ZNF382: variants seen among roughly 807,000 people sequenced by gnomAD.
ZNF382 encodes the protein zinc finger protein 382.
Under a neutral mutation model 38.8 loss-of-function variants are expected in ZNF382, and 20 were observed. The ratio of observed to expected loss-of-function variants is 0.51; its 90% confidence interval spans 0.36 to 0.75. The LOEUF is 0.75. Ranked by LOEUF, ZNF382 falls within the 30% of genes least tolerant of loss-of-function variation. The pLI is 0.00. For synonymous variants in ZNF382, 202 were observed against 223.1 expected (o/e 0.91, Z 0.84); for missense variants, 546 against 654.1 (o/e 0.83, Z 1.80).
Position 36,631,246 on chromosome 19 carries a change from G to A in ZNF382, c.*3696G>A, listed in dbSNP as rs1271359609. ...GCCTACTAAACACCTAGGCTATATG[G>A]TAGAGCCTGTTGCTCCTAGGCTACA... On this transcript the variant is annotated 3_prime_UTR_variant, in exon 5 of 5. Coordinates refer to ENST00000292928, the MANE Select transcript of ZNF382 (RefSeq NM_032825.5). The A allele has an allele frequency of 6.6e-6, 1 of 152,112 alleles. No individual in the cohort carries two copies. The highest frequency in any genetic ancestry group is 2.4e-5 in the African/African-American group (1 of 41,406). The allele number at this position is 152,112 out of a possible 1,614,324, so 9.4% of individuals were successfully genotyped here. A position where few individuals can be genotyped will look rare whatever the true frequency, so the allele number is the denominator to read the frequency against.
chr19:36,627,106 A>G lies in ZNF382; in HGVS notation c.1209A>G (p.Thr403=), dbSNP rs955316468. ...SYLIDHQRTH[T]GEKPYQCNEC... is the part of the protein sequence containing the mutation. ...TCATTGATCACCAGAGAACTCACAC[A>G]GGAGAGAAACCGTATCAGTGTAATG... is the stretch of plus-strand genomic sequence containing the variant. The change falls in exon 5 of 5, where the codon ACA becomes ACG. Residue 403 remains threonine (T), a synonymous_variant. Transcript: ENST00000292928. 6.2e-7 allele frequency: 1 copy of G among 1,614,208 alleles called. No individual in the cohort carries two copies. Among genetic ancestry groups the G allele is most frequent in the African/African-American group, 1.3e-5 (1 of 75,058 alleles).
At chr19:36,616,318 G>C (rs1600391137) in intron 4 of ZNF382, among the ~76,000 whole-genome samples, 1 of 152,212 alleles carries the variant, frequency 6.6e-6, no homozygotes, top group East Asian at 1.9e-4. Flanking sequence ...GCTGCAGTGA[G>C]CTATGCACTA....
intron 4 of ZNF382, among the ~76,000 whole-genome samples, chr19:36,616,732 C>T (rs1277003671): frequency 6.6e-6 from 1 of 152,208 alleles, no homozygotes; most frequent in Non-Finnish European, 1.5e-5. Flanking sequence ...CTGGATGTCT[C>T]CAAAGCTTGG....
Position 36,610,461 on chromosome 19 carries a change from AAAAAG to A in ZNF382, c.140-178_140-174del, listed in dbSNP as rs373500579. ...AAAGAGTGAGACTGTCTCAAAAAAA[AAAAAG>A]AAAAGAAAAGGAAAGAAAGAAAAGA... On this transcript the variant is annotated intron_variant, in intron 3 of 4. Coordinates refer to ENST00000292928, the MANE Select transcript of ZNF382 (RefSeq NM_032825.5). 6.7e-4 allele frequency: 315 copies of A among 469,840 alleles called. 1 individual carries two copies. The highest frequency in any genetic ancestry group is 3.6e-3 in the South Asian group (125 of 34,574). 29.1% of individuals were successfully genotyped at this position (469,840 alleles called of 1,614,324 possible).
intron 4 of ZNF382, among the ~76,000 whole-genome samples, chr19:36,619,150 T>C (rs1568629874): frequency 6.6e-6 from 1 of 152,230 alleles, no homozygotes; most frequent in Non-Finnish European, 1.5e-5. Context: ...TTTGTGCGCA[T>C]ATGTCTGTGT....
intron 4 of ZNF382, among the ~76,000 whole-genome samples, chr19:36,620,053 T>A (rs1223732477): frequency 6.6e-6 from 1 of 152,026 alleles, no homozygotes; most frequent in African/African-American, 2.4e-5. Flanking sequence ...CTTAAACCTA[T>A]CAGAAAAATA....
At chr19:36,614,060 C>T (rs1274248076) in intron 4 of ZNF382, among the ~76,000 whole-genome samples, 1 of 152,082 alleles carries the variant, frequency 6.6e-6, no homozygotes, top group East Asian at 1.9e-4. Flanking sequence ...ACTTTTAGGG[C>T]CAGGCATGGT....
At chr19:36,617,313 A>G (rs966484090) in intron 4 of ZNF382, among the ~76,000 whole-genome samples, 1 of 152,130 alleles carries the variant, frequency 6.6e-6, no homozygotes, top group African/African-American at 2.4e-5. Context: ...CTTCATATAA[A>G]CAAGAGGAGC....
At chr19:36,613,034 G>A (rs951810989) in intron 4 of ZNF382, among the ~76,000 whole-genome samples, 4 of 151,936 alleles carry the variant, frequency 2.6e-5, no homozygotes, top group South Asian at 2.1e-4. Flanking sequence ...CTTGTCATCC[G>A]CCCACCTTGG....
Position 36,626,936 on chromosome 19 carries a change from A to T in ZNF382, c.1039A>T (p.Ile347Leu). Reference sequence around the variant, plus strand: ...CCTCACCCTTCATGAGAAAACACATATAGAGGGGAAACCCTTTATTTGTAT... The same window carrying T: ...CCTCACCCTTCATGAGAAAACACATTTAGAGGGGAAACCCTTTATTTGTAT... The part of the protein sequence containing the change: ...TALTLHEKTH[I>L]EGKPFICIDC... The change falls in exon 5 of 5, where the codon ATA (isoleucine) becomes TTA (leucine). Residue 347 changes from isoleucine to leucine, a missense_variant. Coordinates refer to ENST00000292928, the MANE Select transcript of ZNF382 (RefSeq NM_032825.5). 1 of 1,614,244 alleles carries T rather than the reference A, an allele frequency of 6.2e-7. No individual in the cohort carries two copies. Among genetic ancestry groups the T allele is most frequent in the Non-Finnish European group, 8.5e-7 (1 of 1,180,030 alleles).
intron 4 of ZNF382, among the ~76,000 whole-genome samples, chr19:36,623,398 A>G (rs1444723543): frequency 6.6e-6 from 1 of 152,198 alleles, no homozygotes; most frequent in East Asian, 1.9e-4. Flanking sequence ...TGATCGTGTT[A>G]AAATCTTAGG....
At chr19:36,622,370 T>A (rs2037177096) in intron 4 of ZNF382, among the ~76,000 whole-genome samples, 1 of 152,140 alleles carries the variant, frequency 6.6e-6, no homozygotes, top group African/African-American at 2.4e-5. Flanking sequence ...CAGTGAAAGC[T>A]GTTATACTCA....
chr19:36,631,628 C>T lies in ZNF382; in HGVS notation c.*4078C>T, dbSNP rs2037254929. 1.3e-5 allele frequency: 2 copies of T among 151,890 alleles called. No individual in the cohort carries two copies. The highest frequency in any genetic ancestry group is 6.6e-5 in the Admixed American group (1 of 15,244). 9.4% of individuals were successfully genotyped at this position (151,890 alleles called of 1,614,324 possible). A position where few individuals can be genotyped will look rare whatever the true frequency, so the allele number is the denominator to read the frequency against. On this transcript the variant is annotated 3_prime_UTR_variant, in exon 5 of 5. Transcript: ENST00000292928. The stretch of plus-strand genomic sequence containing the variant: ...GTCTCAATCTCCTGACCTCGTGATC[C>T]ACCCGCCTCGGCCTCTCAAAGTGCT...
rs1197348136 is a variant in ZNF382, at chr19:36,627,488, T to A, written c.1591T>A (p.Cys531Ser). 11 of 1,613,924 alleles carry A rather than the reference T, an allele frequency of 6.8e-6. No individual in the cohort carries two copies. The highest frequency in any genetic ancestry group is 8.5e-6 in the Non-Finnish European group (10 of 1,179,942). The part of the protein sequence containing the change: ...ECKQCGKFFS[C>S]KSNLIVHQKT... ...TAAACAGTGTGGGAAGTTCTTCAGT[T>A]GTAAGTCAAACCTCATTGTCCATCA... Residue 531 changes from cysteine (C) to serine (S), a missense_variant, in exon 5 of 5, where the codon TGT becomes AGT. By Grantham distance (112) the Cys-to-Ser change is moderately radical. Transcript: ENST00000292928.
chr19:36,626,064 C>T, intron 4 of ZNF382, 66 bp from the exon 5 acceptor site: 1 of 1,181,066 alleles, frequency 8.5e-7, no homozygotes, highest in East Asian at 2.7e-5. Context: ...CATAGTTTGT[C>T]TGTATGTATA....
At position 36,610,674 on chromosome 19, in the gene ZNF382, T is replaced by G. The variant is rs571597695; in HGVS notation, c.164T>G (p.Met55Arg). 6 of 1,613,510 alleles carry G rather than the reference T, an allele frequency of 3.7e-6. No individual in the cohort carries two copies. The African/African-American group carries it at 8.0e-5, about 22-fold the overall frequency. Residue 55 changes from methionine (M) to arginine (R), a missense_variant, in exon 4 of 5, where the codon ATG becomes AGG. Met to Arg is a moderately conservative substitution (Grantham distance 91, BLOSUM62 -1). Coordinates refer to ENST00000292928, the MANE Select transcript of ZNF382 (RefSeq NM_032825.5). ...SVGFHMAKPDMIRKLEQGEEL... is the reference protein window; with the variant it reads ...SVGFHMAKPDRIRKLEQGEEL... ...GGGTTTCACATGGCTAAGCCTGATA[T>G]GATCCGCAAGTTGGAACAAGGAGAA... is the stretch of plus-strand genomic sequence containing the variant.
chr19:36,621,043 A>G (rs1051717691), intron 4 of ZNF382, among the ~76,000 whole-genome samples: 9 of 151,792 alleles, frequency 5.9e-5, no homozygotes, highest in Non-Finnish European at 1.2e-4. Flanking sequence ...ACAGGCATGA[A>G]CCACCACGCC....
At chr19:36,623,275 C>T (rs551831555) in intron 4 of ZNF382, among the ~76,000 whole-genome samples, 10 of 152,182 alleles carry the variant, frequency 6.6e-5, no homozygotes, top group East Asian at 1.9e-4. Context: ...AGTGTGTAAA[C>T]GTATACTGAG....
chr19:36,632,692 C>T lies in ZNF382; in HGVS notation c.*5142C>T, dbSNP rs527774416. ...CCAACCAAGAGTCAGAGCCAGACAT[C>T]TGGGCATCGTGGAGATAATTTTAGA... On this transcript the variant is annotated 3_prime_UTR_variant, in exon 5 of 5. Coordinates refer to ENST00000292928, the MANE Select transcript of ZNF382 (RefSeq NM_032825.5). The T allele has an allele frequency of 1.3e-5, 2 of 152,346 alleles. No homozygotes were observed. The highest frequency in any genetic ancestry group is 1.9e-4 in the East Asian group (1 of 5,184). The allele number at this position is 152,346 out of a possible 1,614,324, so 9.4% of individuals were successfully genotyped here.
Sources: allele counts gnomAD v4.1 joint callset (sites outside exome capture counted in the v4.1 genomes callset), GRCh38; gene constraint gnomAD v4.1.1; transcripts MANE v1.5; gene names NCBI Gene and HGNC (gene_info 2026-07-23, HGNC 2026-07-21).